The following DEFB124 variants were observed in gnomAD, a reference collection of about 807,000 sequenced individuals.
The protein encoded by DEFB124 is beta-defensin 124.
For missense variants in DEFB124, 78 were observed against 83.1 expected, an observed-to-expected ratio of 0.94 and a Z score of 0.24; for synonymous variants, 38 against 36.5, an observed-to-expected ratio of 1.04 and a Z score of -0.15.
intron 1 of DEFB124, 47 bp from the exon 2 acceptor site, chr20:31,473,085 G>T: frequency 6.4e-7 from 1 of 1,554,470 alleles, no homozygotes; most frequent in Non-Finnish European, 8.8e-7. Context: ...GAGCCTCGCT[G>T]CTTCCAGCCC....
intron 2 of DEFB124, 159 bp downstream of exon 2, chr20:31,472,797 A>G: frequency 2.8e-6 from 2 of 709,250 alleles, no homozygotes; most frequent in Non-Finnish European, 2.1e-6. Flanking sequence ...AGGCTGATTT[A>G]GCAACTTGCT....
intron 1 of DEFB124, among the ~76,000 whole-genome samples, chr20:31,473,426 T>C (rs1980389208): frequency 6.6e-6 from 1 of 152,134 alleles, no homozygotes; most frequent in Non-Finnish European, 1.5e-5. Context: ...CTGTTGTCTA[T>C]GAAATGATGA....
chr20:31,469,634 G>A (rs1330699594), intron 2 of DEFB124, among the ~76,000 whole-genome samples: 2 of 149,156 alleles, frequency 1.3e-5, no homozygotes, highest in African/African-American at 5.0e-5. Flanking sequence ...CTTGAGATTA[G>A]GGAGTGGTGA....
intron 2 of DEFB124, among the ~76,000 whole-genome samples, chr20:31,467,254 G>C (rs1289155581): frequency 6.6e-6 from 1 of 152,176 alleles, no homozygotes; most frequent in Non-Finnish European, 1.5e-5. Flanking sequence ...TGATGCCTTA[G>C]GCATATCCAC....
intron 2 of DEFB124, among the ~76,000 whole-genome samples, chr20:31,468,217 T>C (rs1327620480): frequency 2.6e-5 from 4 of 152,222 alleles, no homozygotes; most frequent in Non-Finnish European, 5.9e-5. Context: ...CCAACCTCCT[T>C]GCTGCTGTTC....
Position 31,465,541 on chromosome 20 carries a change from T to A in DEFB124, c.181A>T (p.Lys61Ter), listed in dbSNP as rs1277710387. Residue 61 changes from lysine to a stop codon, truncating the protein, a stop_gained, in exon 3 of 3, where the codon AAA becomes TAA. Coordinates refer to ENST00000317676, the MANE Select transcript of DEFB124 (RefSeq NM_001037500.2). LOFTEE classifies it low-confidence loss of function (END_TRUNC). ...ASLCCLSYAL[K>*]PPPVPKHEYE Reference sequence around the variant, plus strand: ...TCATGCTTGGGGACCGGTGGAGGTTTCAATGCATAGGAGAGACAGCACAGG... The same window carrying A: ...TCATGCTTGGGGACCGGTGGAGGTTACAATGCATAGGAGAGACAGCACAGG... 1.2e-6 allele frequency: 2 copies of A among 1,614,072 alleles called. No individual in the cohort carries two copies. The highest frequency in any genetic ancestry group is 1.7e-6 in the Non-Finnish European group (2 of 1,180,036).
At chr20:31,465,927 C>A (rs932581964) in intron 2 of DEFB124, among the ~76,000 whole-genome samples, 9 of 152,156 alleles carry the variant, frequency 5.9e-5, no homozygotes, top group African/African-American at 2.2e-4. Context: ...GAGGCTGAGG[C>A]AGGCAGATCA....
At chr20:31,465,936 C>A (rs61676755) in intron 2 of DEFB124, among the ~76,000 whole-genome samples, 2 of 151,988 alleles carry the variant, frequency 1.3e-5, no homozygotes, top group Admixed American at 6.5e-5. Flanking sequence ...GCAGGCAGAT[C>A]ACCTGAGGTC....
intron 2 of DEFB124, chr20:31,472,534 C>T (rs1447991558): frequency 6.3e-6 from 1 of 159,802 alleles, no homozygotes; most frequent in African/African-American, 2.4e-5. Flanking sequence ...CCTTCCCATC[C>T]CCACCCCCTC....
At chr20:31,471,365 C>G (rs1189193624) in intron 2 of DEFB124, among the ~76,000 whole-genome samples, 3 of 78,178 alleles carry the variant, frequency 3.8e-5, no homozygotes, top group Non-Finnish European at 7.8e-5. Flanking sequence ...CGGGGGCTGA[C>G]CCCCCCACCT....
At chr20:31,470,857 CG>C (rs1568757949) in intron 2 of DEFB124, among the ~76,000 whole-genome samples, 1 of 139,964 alleles carries the variant, frequency 7.1e-6, no homozygotes, top group African/African-American at 2.7e-5. Context: ...CCCTCCCGGA[CG>C]GGGCGGCTGG....
intron 2 of DEFB124, among the ~76,000 whole-genome samples, chr20:31,470,920 C>T (rs1349439665): frequency 1.3e-4 from 14 of 107,264 alleles, no homozygotes; most frequent in South Asian, 9.8e-4. Context: ...GTGGCTGGCC[C>T]GGCAGAGGGG....
Position 31,474,901 on chromosome 20 carries a change from C to T in DEFB124, c.-300G>A, listed in dbSNP as rs1600572356. ...GGGGCACTTGTTTAAAACGCAGATT[C>T]CCGAACCCCTCCCCCAGCACCGTGG... is the stretch of plus-strand genomic sequence containing the variant. On this transcript the variant is annotated 5_prime_UTR_variant, in exon 1 of 3. Coordinates refer to ENST00000317676, the MANE Select transcript of DEFB124 (RefSeq NM_001037500.2). 6.6e-6 allele frequency among the ~76,000 whole-genome samples: 1 copy of T among 152,212 alleles called. No individual in the cohort carries two copies. The highest frequency in any genetic ancestry group is 1.5e-5 in the Non-Finnish European group (1 of 68,036).
At chr20:31,474,007 G>A (rs1219318927) in intron 1 of DEFB124, among the ~76,000 whole-genome samples, 1 of 152,190 alleles carries the variant, frequency 6.6e-6, no homozygotes, top group Non-Finnish European at 1.5e-5. Flanking sequence ...AATAGAATGT[G>A]CCTAGAAGAG....
chr20:31,465,692 A>G, intron 2 of DEFB124, 29 bp from the exon 3 acceptor site: 3 of 1,611,098 alleles, frequency 1.9e-6, no homozygotes, highest in Non-Finnish European at 2.5e-6. Context: ...CAGGTCACAG[A>G]GCAGCCCATG....
At position 31,473,974 on chromosome 20, in the gene DEFB124, GA is replaced by G. The variant is rs200404995; in HGVS notation, c.-26+652del. Among the ~76,000 whole-genome samples, 651 of 152,328 alleles carry G rather than the reference GA, an allele frequency of 4.3e-3. 2 individuals are homozygous for G. Among genetic ancestry groups the G allele is most frequent in the Middle Eastern group, 0.014 (4 of 294 alleles). On this transcript the variant is annotated intron_variant, in intron 1 of 2. Transcript: ENST00000317676. Reference sequence around the variant, plus strand: ...GTTGCATCATGAAAGATGAGTAGGGGAAAAGGTATCCCGGGCAGAAAGAATA... The same window carrying G: ...GTTGCATCATGAAAGATGAGTAGGGGAAAGGTATCCCGGGCAGAAAGAATA...
intron 2 of DEFB124, among the ~76,000 whole-genome samples, chr20:31,467,247 T>C (rs1210055465): frequency 2.0e-5 from 3 of 152,236 alleles, no homozygotes; most frequent in Non-Finnish European, 2.9e-5. Flanking sequence ...CCTCAAATGA[T>C]GCCTTAGGCA....
At chr20:31,470,809 G>C (rs1467670713) in intron 2 of DEFB124, among the ~76,000 whole-genome samples, 1 of 131,468 alleles carries the variant, frequency 7.6e-6, no homozygotes. Context: ...CCTCCCGGAC[G>C]GGGCGGCTGG....
At chr20:31,470,162 G>C (rs1321348112) in intron 2 of DEFB124, among the ~76,000 whole-genome samples, 1 of 131,624 alleles carries the variant, frequency 7.6e-6, no homozygotes, top group South Asian at 2.2e-4. Flanking sequence ...CCGGGCAGAG[G>C]TGCCCCTCAC....
Sources: gnomAD v4.1 joint callset for allele counts (sites outside exome capture counted in the v4.1 genomes callset) on GRCh38, gnomAD v4.1.1 for gene constraint, MANE v1.5 for transcripts, NCBI Gene and HGNC (gene_info 2026-07-23, HGNC 2026-07-21) for gene names.